The following ZNF724 variants were observed in gnomAD, a reference collection of about 807,000 sequenced individuals.
ZNF724 encodes the protein zinc finger protein 724.
A neutral mutation model predicts 29.3 loss-of-function variants in ZNF724; 14 were observed. The observed-to-expected ratio is 0.48, with a 90% CI of 0.32 to 0.75. ZNF724 has a LOEUF of 0.75. Among genes scored for constraint, ZNF724 ranks in the 30% least tolerant of loss-of-function variants. The pLI is 0.04. For missense variants in ZNF724, 557 were observed against 571.2 expected (o/e 0.98, Z 0.25); for synonymous variants, 180 against 193.6 (o/e 0.93, Z 0.58).
chr19:23,228,975 A>C (rs1971887955), intron 3 of ZNF724, among the ~76,000 whole-genome samples: 1 of 151,590 alleles, frequency 6.6e-6, no homozygotes, highest in East Asian at 2.0e-4. Context: ...AGGTAGGAGG[A>C]TCACCTGAAC....
chr19:23,245,200 T>C (rs962616824), intron 1 of ZNF724, among the ~76,000 whole-genome samples: 5 of 152,206 alleles, frequency 3.3e-5, no homozygotes, highest in Non-Finnish European at 7.4e-5. Flanking sequence ...TTGTCTTCAG[T>C]GGTCAAAATA....
intron 3 of ZNF724, among the ~76,000 whole-genome samples, chr19:23,229,888 A>G (rs1413997813): frequency 6.6e-6 from 1 of 152,242 alleles, no homozygotes; most frequent in Non-Finnish European, 1.5e-5. Flanking sequence ...CACTGGAAGT[A>G]TGTAGCAGAA....
At position 23,222,371 on chromosome 19, in the gene ZNF724, C is replaced by G. The variant is rs1971730475; in HGVS notation, c.*14G>C. On this transcript the variant is annotated 3_prime_UTR_variant, in exon 4 of 4. Coordinates refer to ENST00000418100, the MANE Select transcript of ZNF724 (RefSeq NM_001355404.2). ...GGATTACAGGTGTGAGCCACCACGCCTGGTCCATTTTTCTTATTTGTCAGA... is the reference window on the plus strand; with the variant it reads ...GGATTACAGGTGTGAGCCACCACGCGTGGTCCATTTTTCTTATTTGTCAGA... 6 of 1,004,676 alleles carry G rather than the reference C, an allele frequency of 6.0e-6. No homozygotes were observed. In the East Asian group the frequency reaches 1.5e-4, roughly 25 times the overall value. 62.2% of individuals were successfully genotyped at this position (1,004,676 alleles called of 1,614,324 possible).
intron 3 of ZNF724, among the ~76,000 whole-genome samples, chr19:23,224,983 C>CA (rs199692648): frequency 0.14 from 20,990 of 146,638 alleles, 1,461 homozygotes; most frequent in Middle Eastern, 0.22. Flanking sequence ...ACAACAACAA[C>CA]AAAAAAAAAA....
intron 3 of ZNF724, among the ~76,000 whole-genome samples, chr19:23,229,621 TACAACTAC>T (rs1971900115): frequency 6.6e-6 from 1 of 152,190 alleles, no homozygotes; most frequent in African/African-American, 2.4e-5. Flanking sequence ...AAATGCAAAT[TACAACTAC>T]ACAATCCCCT....
chr19:23,247,651 G>T (rs1210290985), intron 1 of ZNF724, among the ~76,000 whole-genome samples: 3 of 152,188 alleles, frequency 2.0e-5, no homozygotes, highest in Non-Finnish European at 4.4e-5. Context: ...AGCTCACTGA[G>T]ATGAGGTTTT....
intron 1 of ZNF724, among the ~76,000 whole-genome samples, chr19:23,240,705 G>C (rs560562449): frequency 7.1e-6 from 1 of 141,444 alleles, no homozygotes; most frequent in South Asian, 2.3e-4. Context: ...AGGTGACAGA[G>C]TGGATTCCAC....
intron 1 of ZNF724, among the ~76,000 whole-genome samples, chr19:23,245,991 G>A (rs1193226440): frequency 6.6e-6 from 1 of 152,044 alleles, no homozygotes; most frequent in African/African-American, 2.4e-5. Flanking sequence ...TGGCTGGAGT[G>A]AGCAGGCTAG....
In ZNF724 at chr19:23,241,159, G is replaced by A. The variant is rs572128077; in HGVS notation, c.4-8866C>T. 1.6e-3 allele frequency among the ~76,000 whole-genome samples: 241 copies of A among 152,104 alleles called. 1 individual carries two copies. The highest frequency in any genetic ancestry group is 5.6e-3 in the African/African-American group (231 of 41,506). On this transcript the variant is annotated intron_variant, in intron 1 of 3. Coordinates refer to ENST00000418100, the MANE Select transcript of ZNF724 (RefSeq NM_001355404.2). ...GTACACAAAAACTAGAAAATCTAAAGGAAGTGGATAAATTTCTAGACAAAC... is the reference window on the plus strand; with the variant it reads ...GTACACAAAAACTAGAAAATCTAAAAGAAGTGGATAAATTTCTAGACAAAC...
intron 1 of ZNF724, among the ~76,000 whole-genome samples, chr19:23,233,948 C>A (rs911136724): frequency 1.6e-4 from 25 of 152,094 alleles, no homozygotes; most frequent in Non-Finnish European, 3.4e-4. Context: ...AGGACCAAGA[C>A]CCTCAGAAAA....
chr19:23,239,755 G>A (rs367754442), intron 1 of ZNF724, among the ~76,000 whole-genome samples: 29 of 152,106 alleles, frequency 1.9e-4, no homozygotes, highest in East Asian at 7.7e-4. Context: ...AGGTTGCAGC[G>A]AGCCAAGATT....
intron 1 of ZNF724, among the ~76,000 whole-genome samples, chr19:23,238,471 G>C (rs892303813): frequency 6.6e-6 from 1 of 152,188 alleles, no homozygotes; most frequent in African/African-American, 2.4e-5. Context: ...TTCTTTAGCT[G>C]TAAATATGAT....
intron 3 of ZNF724, 176 bp downstream of exon 3, chr19:23,231,090 T>A: frequency 2.4e-6 from 1 of 408,220 alleles, no homozygotes; most frequent in Non-Finnish European, 4.3e-6. Context: ...TCCATGTTGG[T>A]CAGGCTGGTC....
At chr19:23,249,712 T>G (rs1287669418) in intron 1 of ZNF724, among the ~76,000 whole-genome samples, 1 of 152,084 alleles carries the variant, frequency 6.6e-6, no homozygotes, top group East Asian at 1.9e-4. Context: ...TTTTATATTT[T>G]TAGTAGAGAT....
At chr19:23,243,957 A>T (rs1049637726) in intron 1 of ZNF724, among the ~76,000 whole-genome samples, 58 of 151,876 alleles carry the variant, frequency 3.8e-4, no homozygotes, top group East Asian at 7.7e-4. Context: ...ATAAATAAAA[A>T]AAAAAAAATA....
At chr19:23,227,560 A>AAAAACAAAC (rs1971857384) in intron 3 of ZNF724, among the ~76,000 whole-genome samples, 3 of 111,098 alleles carry the variant, frequency 2.7e-5, no homozygotes, top group Admixed American at 2.2e-4. Flanking sequence ...CATCTCAAAA[A>AAAAACAAAC]AAAAAAAAAA....
At chr19:23,227,466 G>T (rs886388772) in intron 3 of ZNF724, among the ~76,000 whole-genome samples, 1 of 145,176 alleles carries the variant, frequency 6.9e-6, no homozygotes, top group African/African-American at 2.6e-5. Context: ...TGAGGCAGAA[G>T]AATCACTTGA....
chr19:23,228,717 C>T (rs1267835626), intron 3 of ZNF724, among the ~76,000 whole-genome samples: 2 of 151,878 alleles, frequency 1.3e-5, no homozygotes, highest in Admixed American at 6.6e-5. Flanking sequence ...TGGCCAACAT[C>T]GTGAAACCCC....
At chr19:23,244,124 T>C (rs1363266581) in intron 1 of ZNF724, among the ~76,000 whole-genome samples, 2 of 152,040 alleles carry the variant, frequency 1.3e-5, no homozygotes, top group Non-Finnish European at 2.9e-5. Flanking sequence ...AAGTGCAATA[T>C]GTAAACTGAA....
Sources: gnomAD v4.1 joint callset for allele counts (sites outside exome capture counted in the v4.1 genomes callset) on GRCh38, gnomAD v4.1.1 for gene constraint, MANE v1.5 for transcripts, NCBI Gene and HGNC (gene_info 2026-07-23, HGNC 2026-07-21) for gene names.